KHDRBS2: variants seen among roughly 807,000 people sequenced by gnomAD.
KHDRBS2 encodes KH RNA binding domain containing, signal transduction associated 2.
In KHDRBS2, 26 loss-of-function variants were observed where a neutral mutation model predicts 44.3. The ratio of observed to expected loss-of-function variants is 0.59; its 90% CI spans 0.43 to 0.81. KHDRBS2 has a LOEUF of 0.81. Among genes scored for constraint, KHDRBS2 ranks in the 40% least tolerant of loss-of-function variants. The probability of loss-of-function intolerance (pLI) is 0.00; values close to 1 mark genes in which losing one functional copy is unlikely to be tolerated. For missense variants in KHDRBS2, 476 were observed against 433.1 expected (o/e 1.10, Z -0.88); for synonymous variants, 194 against 151.1 (o/e 1.28, Z -2.08).
At chr6:62,172,628 A>G (rs1211151166) in intron 2 of KHDRBS2, among the ~76,000 whole-genome samples, 2 of 146,796 alleles carry the variant, frequency 1.4e-5, no homozygotes, top group Non-Finnish European at 3.0e-5. Context: ...TTCAAAATAT[A>G]TATTTCTCTC....
intron 2 of KHDRBS2, among the ~76,000 whole-genome samples, chr6:62,167,411 G>C (rs1439869989): frequency 6.6e-6 from 1 of 151,952 alleles, no homozygotes; most frequent in African/African-American, 2.4e-5. Flanking sequence ...ACATGGGTTG[G>C]GCATTAATTA....
chr6:61,692,419 A>T lies in KHDRBS2; in HGVS notation c.952+4776T>A, dbSNP rs114677860. Among the ~76,000 whole-genome samples the T allele has an allele frequency of 5.5e-3, 830 of 151,948 alleles. 4 individuals are homozygous for T. Among genetic ancestry groups the T allele is most frequent in the African/African-American group, 0.019 (782 of 41,504 alleles). On this transcript the variant is annotated intron_variant, in intron 8 of 8. Coordinates refer to ENST00000281156, the MANE Select transcript of KHDRBS2 (RefSeq NM_152688.4). Reference sequence around the variant, plus strand: ...TAAGATAATTATATGTTAATAAGTCATTTATAATTTTAATATTTAGATGTT... The same window carrying T: ...TAAGATAATTATATGTTAATAAGTCTTTTATAATTTTAATATTTAGATGTT...
the KHDRBS2 span, among the ~76,000 whole-genome samples, chr6:61,610,809 A>C: frequency 6.6e-6 from 1 of 152,256 alleles, no homozygotes. Context: ...GAGGGGACTT[A>C]GGTCTCACAC....
intron 3 of KHDRBS2, among the ~76,000 whole-genome samples, chr6:62,028,923 A>AT (rs1045184221): frequency 2.0e-5 from 3 of 152,022 alleles, no homozygotes; most frequent in South Asian, 2.1e-4. Context: ...AGAAGTGATA[A>AT]TTTTTTTTCT....
At chr6:61,561,759 G>A in the KHDRBS2 span, among the ~76,000 whole-genome samples, 1 of 152,116 alleles carries the variant, frequency 6.6e-6, no homozygotes, top group African/African-American at 2.4e-5. Flanking sequence ...CTCCTCTCTG[G>A]CCCAGGATAG....
intron 1 of KHDRBS2, among the ~76,000 whole-genome samples, chr6:62,192,003 T>C (rs769363495): frequency 5.9e-5 from 9 of 152,168 alleles, no homozygotes; most frequent in Non-Finnish European, 1.0e-4. Context: ...TTGTTACTTA[T>C]ATGTTAATGG....
At chr6:61,759,186 C>T (rs993725058) in intron 6 of KHDRBS2, among the ~76,000 whole-genome samples, 4 of 152,046 alleles carry the variant, frequency 2.6e-5, no homozygotes, top group African/African-American at 7.2e-5. Context: ...ATAAAACATT[C>T]TTAACTAGAC....
intron 6 of KHDRBS2, among the ~76,000 whole-genome samples, chr6:61,864,805 T>C (rs1797548264): frequency 6.6e-6 from 1 of 152,188 alleles, no homozygotes; most frequent in Non-Finnish European, 1.5e-5. Context: ...TTGAATGCTG[T>C]CCTGTCTAGC....
chr6:62,081,146 A>T (rs924886608), intron 2 of KHDRBS2, among the ~76,000 whole-genome samples: 21 of 152,276 alleles, frequency 1.4e-4, no homozygotes, highest in Non-Finnish European at 2.6e-4. Context: ...GGTAATGTTG[A>T]TGCATTTTTA....
At chr6:62,178,434 A>G (rs1339292909) in intron 1 of KHDRBS2, among the ~76,000 whole-genome samples, 1 of 151,720 alleles carries the variant, frequency 6.6e-6, no homozygotes, top group Non-Finnish European at 1.5e-5. Flanking sequence ...TGTGACTGCA[A>G]TGGTAAGCCT....
At chr6:62,040,241 ACACGCATG>A (rs1786160876) in intron 3 of KHDRBS2, among the ~76,000 whole-genome samples, 1 of 152,028 alleles carries the variant, frequency 6.6e-6, no homozygotes, top group Non-Finnish European at 1.5e-5. Flanking sequence ...CCCAACAGAC[ACACGCATG>A]CACGCACACG....
At chr6:61,582,597 G>A in the KHDRBS2 span, among the ~76,000 whole-genome samples, 2 of 151,370 alleles carry the variant, frequency 1.3e-5, no homozygotes, top group African/African-American at 2.4e-5. Flanking sequence ...AAAAAAGATG[G>A]GAAAACAGCT....
intron 4 of KHDRBS2, among the ~76,000 whole-genome samples, chr6:61,903,714 G>A (rs547838474): frequency 1.1e-4 from 16 of 152,302 alleles, no homozygotes; most frequent in African/African-American, 3.8e-4. Flanking sequence ...AAAAGAAGCA[G>A]AGATTAGAAA....
chr6:61,659,808 A>G, the KHDRBS2 span, among the ~76,000 whole-genome samples: 7 of 151,956 alleles, frequency 4.6e-5, no homozygotes, highest in East Asian at 2.0e-4. Context: ...ACGATGTTAT[A>G]AAGTCAGACC....
intron 2 of KHDRBS2, among the ~76,000 whole-genome samples, chr6:62,161,642 A>ATTTACTTCTGTCATTTTGCTACTTG (rs1240474849): frequency 1.3e-5 from 2 of 150,026 alleles, no homozygotes; most frequent in African/African-American, 4.9e-5. Flanking sequence ...ATAAGGAGAA[A>ATTTACTTCTGTCATTTTGCTACTTG]TTTACTTCTG....
the KHDRBS2 span, among the ~76,000 whole-genome samples, chr6:61,579,003 G>C: frequency 6.6e-6 from 1 of 152,152 alleles, no homozygotes; most frequent in African/African-American, 2.4e-5. Flanking sequence ...GTGACAGCTT[G>C]TCACAAACTA....
At chr6:62,119,287 A>G (rs893023013) in intron 2 of KHDRBS2, among the ~76,000 whole-genome samples, 25 of 152,190 alleles carry the variant, frequency 1.6e-4, no homozygotes, top group African/African-American at 6.0e-4. Context: ...GACTCTATAC[A>G]TAATACCTTC....
the KHDRBS2 span, among the ~76,000 whole-genome samples, chr6:61,619,355 A>G: frequency 6.6e-6 from 1 of 151,954 alleles, no homozygotes; most frequent in Non-Finnish European, 1.5e-5. Flanking sequence ...GAGAACATAC[A>G]GTTTTTGATT....
At chr6:61,662,243 T>C in the KHDRBS2 span, among the ~76,000 whole-genome samples, 3 of 152,116 alleles carry the variant, frequency 2.0e-5, no homozygotes, top group African/African-American at 4.8e-5. Flanking sequence ...ATACAAAAAT[T>C]AATTCGAGAT....
Sources: allele counts gnomAD v4.1 joint callset (sites outside exome capture counted in the v4.1 genomes callset), GRCh38; gene constraint gnomAD v4.1.1; transcripts MANE v1.5; gene names NCBI Gene and HGNC (gene_info 2026-07-23, HGNC 2026-07-21).